NELL1: variants seen among roughly 807,000 people sequenced by gnomAD.
The protein encoded by NELL1 is protein kinase C-binding protein NELL1.
NELL1 carries 76 observed loss-of-function variants against 107.4 expected under a neutral mutation model. The ratio of observed to expected loss-of-function variants is 0.71; its 90% confidence interval spans 0.59 to 0.86. The LOEUF is 0.86. NELL1 is among the 40% of genes least tolerant of loss of function. NELL1 has a pLI of 0.00. For synonymous variants in NELL1, 353 were observed against 341.2 expected, an observed-to-expected ratio of 1.03 and a Z score of -0.38; for missense variants, 1,024 against 1,005.5, an observed-to-expected ratio of 1.02 and a Z score of -0.25.
intron 2 of NELL1, among the ~76,000 whole-genome samples, chr11:20,764,748 G>A (rs1330649127): frequency 7.5e-6 from 1 of 133,768 alleles, no homozygotes; most frequent in Non-Finnish European, 1.6e-5. Flanking sequence ...AAGGTGAGAT[G>A]TTGAGTCTGT....
chr11:20,717,791 T>TC (rs1351591283), intron 2 of NELL1, among the ~76,000 whole-genome samples: 1 of 152,170 alleles, frequency 6.6e-6, no homozygotes, highest in African/African-American at 2.4e-5. Context: ...TTAATTTTTG[T>TC]CCCCCAGTAA....
rs527827451 is a variant in NELL1, at chr11:20,996,815, C to T, written c.1300+36255C>T. Among the ~76,000 whole-genome samples the T allele has an allele frequency of 6.6e-5, 10 of 152,198 alleles. No homozygotes were observed. The East Asian group carries it at 1.5e-3, about 24-fold the overall frequency. On this transcript the variant is annotated intron_variant, in intron 12 of 19. Coordinates refer to ENST00000357134, the MANE Select transcript of NELL1 (RefSeq NM_006157.5). Reference sequence around the variant, plus strand: ...GCCCTCTCTAGGGTTTTTATCTTCCCGATTTACCCATCTCCGTAAAACTGA... The same window carrying T: ...GCCCTCTCTAGGGTTTTTATCTTCCTGATTTACCCATCTCCGTAAAACTGA...
At chr11:21,388,297 C>A (rs1851792632) in intron 15 of NELL1, among the ~76,000 whole-genome samples, 1 of 151,592 alleles carries the variant, frequency 6.6e-6, no homozygotes. Context: ...ACCATGTGAC[C>A]TTGATCAAGT....
chr11:21,124,656 C>T (rs1356880162), intron 13 of NELL1, among the ~76,000 whole-genome samples: 1 of 150,220 alleles, frequency 6.7e-6, no homozygotes, highest in Non-Finnish European at 1.5e-5. Context: ...GGCTAGAGTG[C>T]AATGGTGCGA....
intron 12 of NELL1, among the ~76,000 whole-genome samples, chr11:21,099,568 G>T (rs1320366872): frequency 6.6e-6 from 1 of 151,982 alleles, no homozygotes; most frequent in Non-Finnish European, 1.5e-5. Flanking sequence ...GGCTTCCTTT[G>T]AACCAAAAAA....
chr11:21,397,685 T>G (rs1339448346), intron 15 of NELL1, among the ~76,000 whole-genome samples: 1 of 151,694 alleles, frequency 6.6e-6, no homozygotes, highest in Non-Finnish European at 1.5e-5. Context: ...TTGATATGGT[T>G]TGAATGTTTA....
intron 4 of NELL1, among the ~76,000 whole-genome samples, chr11:20,854,739 C>T (rs556182230): frequency 5.2e-4 from 79 of 152,182 alleles, no homozygotes; most frequent in Non-Finnish European, 9.4e-4. Context: ...GCTTTTCTGG[C>T]CATGGAGGCC....
chr11:21,447,700 C>T (rs1372797359), intron 15 of NELL1, among the ~76,000 whole-genome samples: 2 of 152,198 alleles, frequency 1.3e-5, no homozygotes, highest in Non-Finnish European at 2.9e-5. Flanking sequence ...GCAAGAAAAC[C>T]CCTTAGCCAC....
intron 10 of NELL1, among the ~76,000 whole-genome samples, chr11:20,944,071 G>A (rs796407762): frequency 3.7e-4 from 56 of 152,228 alleles, no homozygotes; most frequent in African/African-American, 1.3e-3. Context: ...AATGCCCTAT[G>A]GAATCTGTTG....
chr11:21,051,561 AAAT>A (rs201910454), intron 12 of NELL1, among the ~76,000 whole-genome samples: 2 of 152,192 alleles, frequency 1.3e-5, no homozygotes, highest in East Asian at 3.9e-4. Flanking sequence ...AAACTGAGAA[AAAT>A]AATAATAATA....
intron 5 of NELL1, among the ~76,000 whole-genome samples, chr11:20,916,923 G>A (rs1009625212): frequency 5.3e-5 from 8 of 151,856 alleles, no homozygotes; most frequent in Non-Finnish European, 7.4e-5. Flanking sequence ...CTAACTTATT[G>A]CCTAAGTCTG....
At chr11:21,146,007 T>A (rs1855969880) in intron 13 of NELL1, among the ~76,000 whole-genome samples, 1 of 152,206 alleles carries the variant, frequency 6.6e-6, no homozygotes, top group Non-Finnish European at 1.5e-5. Flanking sequence ...TCAGACTGAA[T>A]CTGCTTCTGC....
At chr11:21,558,150 T>C (rs545251632) in intron 16 of NELL1, among the ~76,000 whole-genome samples, 3 of 152,084 alleles carry the variant, frequency 2.0e-5, no homozygotes, top group Non-Finnish European at 2.9e-5. Context: ...AATTAATTGA[T>C]TGATACCTCA....
At chr11:21,070,284 A>T (rs564693976) in intron 12 of NELL1, among the ~76,000 whole-genome samples, 11 of 152,312 alleles carry the variant, frequency 7.2e-5, no homozygotes, top group African/African-American at 2.6e-4. Context: ...CTCATTTAAT[A>T]GAGGTAGAAA....
intron 12 of NELL1, among the ~76,000 whole-genome samples, chr11:21,067,700 A>G (rs1853909743): frequency 6.6e-6 from 1 of 152,160 alleles, no homozygotes; most frequent in African/African-American, 2.4e-5. Flanking sequence ...CTAAAATAGT[A>G]TAATCTATAT....
At chr11:21,182,291 G>A (rs1215425222) in intron 13 of NELL1, among the ~76,000 whole-genome samples, 2 of 151,636 alleles carry the variant, frequency 1.3e-5, no homozygotes, top group Admixed American at 6.6e-5. Context: ...AAAATTAGCC[G>A]GATGTGGTGT....
At chr11:20,888,544 C>G (rs1465726296) in intron 5 of NELL1, among the ~76,000 whole-genome samples, 1 of 151,668 alleles carries the variant, frequency 6.6e-6, no homozygotes, top group Non-Finnish European at 1.5e-5. Context: ...GTTATGGGCA[C>G]TATTATAAGT....
At chr11:21,217,525 G>A (rs1253024815) in intron 13 of NELL1, among the ~76,000 whole-genome samples, 1 of 152,104 alleles carries the variant, frequency 6.6e-6, no homozygotes, top group Non-Finnish European at 1.5e-5. Context: ...GGATGACATA[G>A]TAAAGTGGAC....
At chr11:21,363,793 T>C (rs973207471) in intron 14 of NELL1, among the ~76,000 whole-genome samples, 2 of 152,214 alleles carry the variant, frequency 1.3e-5, no homozygotes, top group Non-Finnish European at 2.9e-5. Flanking sequence ...TTCAAGATGA[T>C]ATACAGGAAT....
Sources: allele counts gnomAD v4.1 joint callset (sites outside exome capture counted in the v4.1 genomes callset), GRCh38; gene constraint gnomAD v4.1.1; transcripts MANE v1.5; gene names NCBI Gene and HGNC (gene_info 2026-07-23, HGNC 2026-07-21).